RALGPS1: variants seen among roughly 807,000 people sequenced by gnomAD.
The protein encoded by RALGPS1 is Ral GEF with PH domain and SH3 binding motif 1, also known as ras-specific guanine nucleotide-releasing factor RalGPS1.
Under a neutral mutation model 78.8 loss-of-function variants are expected in RALGPS1, and 19 were observed. The ratio of observed to expected loss-of-function variants is 0.24; its 90% CI spans 0.17 to 0.35. The LOEUF is 0.35. Ranked by LOEUF, RALGPS1 falls within the 10% of genes least tolerant of loss-of-function variation. The pLI, the probability that RALGPS1 is intolerant of heterozygous loss-of-function variation, is 1.00. For missense variants in RALGPS1, 454 were observed against 688.3 expected, an observed-to-expected ratio of 0.66 and a Z score of 3.81; for synonymous variants, 228 against 256.3, an observed-to-expected ratio of 0.89 and a Z score of 1.06.
chr9:127,089,161 A>T (rs545536277), intron 8 of RALGPS1: 10 of 1,613,260 alleles, frequency 6.2e-6, no homozygotes, highest in Non-Finnish European at 8.5e-6. Flanking sequence ...AGGCAGTGAG[A>T]GGGTGTCTGG....
At chr9:126,971,148 AC>A (rs1459969451) in intron 3 of RALGPS1, among the ~76,000 whole-genome samples, 1 of 152,200 alleles carries the variant, frequency 6.6e-6, no homozygotes, top group Non-Finnish European at 1.5e-5. Flanking sequence ...GGAAAAAGTG[AC>A]AAATATTCAT....
chr9:127,208,629 C>G (rs1183771880), intron 14 of RALGPS1, among the ~76,000 whole-genome samples: 2 of 152,166 alleles, frequency 1.3e-5, no homozygotes, highest in Non-Finnish European at 2.9e-5. Flanking sequence ...AGCATGTGAG[C>G]ACTCACTACC....
intron 8 of RALGPS1, chr9:127,108,351 G>T (rs1355476836): frequency 3.7e-6 from 6 of 1,612,040 alleles, no homozygotes; most frequent in Non-Finnish European, 5.1e-6. Flanking sequence ...TCATGTTGCG[G>T]CTCTCCTTGC....
At chr9:127,043,283 G>C (rs566173177) in intron 5 of RALGPS1, among the ~76,000 whole-genome samples, 13 of 152,024 alleles carry the variant, frequency 8.6e-5, no homozygotes, top group Non-Finnish European at 1.8e-4. Flanking sequence ...TAGGTCGATG[G>C]AGCTGATAAA....
At chr9:127,187,378 C>T (rs1031532635) in intron 11 of RALGPS1, among the ~76,000 whole-genome samples, 3 of 152,206 alleles carry the variant, frequency 2.0e-5, no homozygotes, top group Non-Finnish European at 2.9e-5. Context: ...CCTTCCTCCC[C>T]AGCCACCACA....
At chr9:127,036,580 G>A (rs2046882848) in intron 5 of RALGPS1, among the ~76,000 whole-genome samples, 1 of 152,198 alleles carries the variant, frequency 6.6e-6, no homozygotes, top group Admixed American at 6.5e-5. Context: ...CTGATTGGGA[G>A]GAGGTTGCCA....
chr9:127,079,220 G>A (rs2050950996), intron 8 of RALGPS1, among the ~76,000 whole-genome samples: 1 of 152,224 alleles, frequency 6.6e-6, no homozygotes, highest in African/African-American at 2.4e-5. Flanking sequence ...CATGGGTGGG[G>A]ACAGAGTGGA....
intron 8 of RALGPS1, among the ~76,000 whole-genome samples, chr9:127,096,522 G>A (rs932681185): frequency 7.9e-5 from 12 of 152,344 alleles, no homozygotes; most frequent in African/African-American, 2.9e-4. Flanking sequence ...GGGAGAGGCT[G>A]TGGAGGCTGC....
intron 4 of RALGPS1, among the ~76,000 whole-genome samples, chr9:126,987,948 A>G (rs2041954839): frequency 6.6e-6 from 1 of 152,182 alleles, no homozygotes; most frequent in Non-Finnish European, 1.5e-5. Context: ...TGTCCCACAG[A>G]AGGGATGTTT....
chr9:127,143,104 T>C (rs1273206044), intron 8 of RALGPS1, among the ~76,000 whole-genome samples: 1 of 152,246 alleles, frequency 6.6e-6, no homozygotes, highest in African/African-American at 2.4e-5. Context: ...GACATTAGAA[T>C]GTTTCCAAGT....
At chr9:126,928,259 G>A (rs2035482654) in intron 1 of RALGPS1, among the ~76,000 whole-genome samples, 2 of 152,320 alleles carry the variant, frequency 1.3e-5, no homozygotes, top group East Asian at 1.9e-4. Flanking sequence ...TGACCCTGTT[G>A]CTGAAAGCCA....
chr9:127,086,678 G>C (rs2051781268), intron 8 of RALGPS1, among the ~76,000 whole-genome samples: 1 of 151,938 alleles, frequency 6.6e-6, no homozygotes. Flanking sequence ...TTATTTTTTT[G>C]CTTTGTTTTT....
chr9:126,949,417 A>G (rs2037595743), intron 1 of RALGPS1, among the ~76,000 whole-genome samples: 1 of 152,082 alleles, frequency 6.6e-6, no homozygotes, highest in African/African-American at 2.4e-5. Flanking sequence ...GAACTAGTTT[A>G]TAGTCCCACC....
At chr9:127,191,887 C>T (rs547745893) in intron 11 of RALGPS1, among the ~76,000 whole-genome samples, 46 of 152,030 alleles carry the variant, frequency 3.0e-4, no homozygotes, top group Non-Finnish European at 6.0e-4. Flanking sequence ...TTAGTAGAGA[C>T]GGGGTTTCAC....
At position 127,021,662 on chromosome 9, in the gene RALGPS1, TG is replaced by T. The variant is rs199979029; in HGVS notation, c.217-12768del. 2.5e-3 allele frequency among the ~76,000 whole-genome samples: 369 copies of T among 149,134 alleles called. 8 individuals are homozygous for T. The highest frequency in any genetic ancestry group is 0.024 in the Admixed American group (356 of 14,854). On this transcript the variant is annotated intron_variant, in intron 4 of 18. Coordinates refer to ENST00000259351, the MANE Select transcript of RALGPS1 (RefSeq NM_014636.3). ...TTTTTTTTTAAAGAGAACATCTGAA[TG>T]ATGTATTCGGAAAAAAACATTTCCC...
chr9:127,182,434 C>CTT (rs758462743), intron 11 of RALGPS1, among the ~76,000 whole-genome samples: 1 of 114,784 alleles, frequency 8.7e-6, no homozygotes. Flanking sequence ...TCCTTCCTTC[C>CTT]TTTTTTTTTT....
rs555948987 is a variant in RALGPS1, at chr9:127,180,319, A to G, written c.910+5537A>G. 1.1e-4 allele frequency among the ~76,000 whole-genome samples: 16 copies of G among 152,302 alleles called. No individual in the cohort carries two copies. The South Asian group carries it at 3.3e-3, about 32-fold the overall frequency. Reference sequence around the variant, plus strand: ...TGGGCAGCACCGCGAGTCCAGGAAAATCTTCAGCCTTGGCCTCTGGTTTCT... The same window carrying G: ...TGGGCAGCACCGCGAGTCCAGGAAAGTCTTCAGCCTTGGCCTCTGGTTTCT... On this transcript the variant is annotated intron_variant, in intron 11 of 18. Coordinates refer to ENST00000259351, the MANE Select transcript of RALGPS1 (RefSeq NM_014636.3).
chr9:126,997,512 A>T (rs2042885011), intron 4 of RALGPS1, among the ~76,000 whole-genome samples: 1 of 152,238 alleles, frequency 6.6e-6, no homozygotes, highest in Admixed American at 6.5e-5. Flanking sequence ...GCTCAATGAA[A>T]TAAAAGAGGA....
At chr9:127,190,656 T>C (rs2060975482) in intron 11 of RALGPS1, among the ~76,000 whole-genome samples, 1 of 152,254 alleles carries the variant, frequency 6.6e-6, no homozygotes. Context: ...CTGATTGGCA[T>C]GTAGCTTGTT....
Sources: gnomAD v4.1 joint callset for allele counts (sites outside exome capture counted in the v4.1 genomes callset) on GRCh38, gnomAD v4.1.1 for gene constraint, MANE v1.5 for transcripts, NCBI Gene and HGNC (gene_info 2026-07-23, HGNC 2026-07-21) for gene names.